The following MAX variants were observed in gnomAD, a reference collection of about 807,000 sequenced individuals.
MAX encodes protein max.
A neutral mutation model predicts 22.3 loss-of-function variants in MAX; 3 were observed. That is an observed-to-expected ratio of 0.13 (90% CI 0.06 to 0.35). The LOEUF is 0.35. MAX is among the 10% of genes least tolerant of loss of function. The probability of loss-of-function intolerance (pLI) is 1.00; values close to 1 mark genes in which losing one functional copy is unlikely to be tolerated. For missense variants in MAX, 119 were observed against 209.4 expected (o/e 0.57, Z 2.66); for synonymous variants, 72 against 77.7 (o/e 0.93, Z 0.39).
chr14:65,097,896 C>A (rs889652632), intron 2 of MAX, among the ~76,000 whole-genome samples: 5 of 152,182 alleles, frequency 3.3e-5, no homozygotes, highest in Admixed American at 2.6e-4. Flanking sequence ...CAATACCTGT[C>A]CTGCTTGTAG....
chr14:65,064,058 G>A (rs1006913805), intron 3 of MAX, among the ~76,000 whole-genome samples: 5 of 152,070 alleles, frequency 3.3e-5, no homozygotes, highest in South Asian at 2.1e-4. Flanking sequence ...TACAGGGAGC[G>A]GAGCATAAAG....
At chr14:65,065,690 T>C (rs1276371434) in intron 3 of MAX, among the ~76,000 whole-genome samples, 1 of 152,204 alleles carries the variant, frequency 6.6e-6, no homozygotes, top group East Asian at 1.9e-4. Context: ...AACCAAAACA[T>C]GATGTGGCGT....
intron 2 of MAX, among the ~76,000 whole-genome samples, chr14:65,099,108 A>C (rs2063753379): frequency 6.6e-6 from 1 of 152,124 alleles, no homozygotes; most frequent in African/African-American, 2.4e-5. Context: ...TTTATTATCC[A>C]TATTAAATAT....
At chr14:65,097,601 T>C (rs2063708145) in intron 2 of MAX, among the ~76,000 whole-genome samples, 1 of 152,176 alleles carries the variant, frequency 6.6e-6, no homozygotes, top group Non-Finnish European at 1.5e-5. Flanking sequence ...CTTTACAAAA[T>C]GTGAAGGTTG....
At chr14:65,096,184 T>C (rs2063669736) in intron 2 of MAX, among the ~76,000 whole-genome samples, 1 of 152,210 alleles carries the variant, frequency 6.6e-6, no homozygotes, top group Non-Finnish European at 1.5e-5. Flanking sequence ...AAGTAGTGGA[T>C]GGAATTTCTG....
chr14:65,090,196 G>C (rs1321006809), intron 3 of MAX: 4 of 152,158 alleles, frequency 2.6e-5, no homozygotes, highest in African/African-American at 9.7e-5. Flanking sequence ...GGCCTATCCA[G>C]GGGAAGCTCC....
Position 65,029,250 on chromosome 14 carries a change from C to G in MAX, c.172-22966G>C, listed in dbSNP as rs148202928. ...CCATTTTCCTTGCTTTGCCTGGTTT[C>G]TAGTACCCCGATTCCATCATTTTTC... On this transcript the variant is annotated intron_variant, in intron 3 of 3. Coordinates refer to the MAX transcript ENST00000341653. The surrounding 1 kb of genome is among the most constrained non-coding windows in gnomAD (Gnocchi z 4.7). Among the ~76,000 whole-genome samples, 243 of 152,310 alleles carry G rather than the reference C, an allele frequency of 1.6e-3. 1 individual carries two copies. The highest frequency in any genetic ancestry group is 5.8e-3 in the African/African-American group (242 of 41,564).
chr14:65,027,634 G>A lies in MAX; in HGVS notation c.172-21350C>T. 6.2e-7 allele frequency: 1 copy of A among 1,614,050 alleles called. No homozygotes were observed. The highest frequency in any genetic ancestry group is 8.5e-7 in the Non-Finnish European group (1 of 1,179,960). On this transcript the variant is annotated intron_variant, in intron 3 of 3. Coordinates refer to the MAX transcript ENST00000341653. The surrounding 1 kb of genome is among the most constrained non-coding windows in gnomAD (Gnocchi z 5.7). ...AAGCCAGCAGTGACAGAAACCTAGA[G>A]GAGTTCCCCGCCTGCTGACACGCAC...
upstream of MAX, chr14:65,102,575 C>T: frequency 1.4e-6 from 2 of 1,435,656 alleles, no homozygotes; most frequent in East Asian, 2.5e-5. Flanking sequence ...CGTGACCAGG[C>T]TCGCAGCGCT....
downstream of MAX, among the ~76,000 whole-genome samples, chr14:65,073,745 G>T (rs7150646): frequency 0.48 from 73,201 of 152,048 alleles, 20,289 homozygotes; most frequent in African/African-American, 0.77. Flanking sequence ...CTTTGACTTG[G>T]CCTTTTCAGC....
Position 65,009,231 on chromosome 14 carries a change from T to C in MAX, c.172-2947A>G, listed in dbSNP as rs1351817191. ...TGGGGTGCATTAAACCACAGAGATT[T>C]ATTTTTTCACATTTCTGGAGGCCAG... On this transcript the variant is annotated intron_variant, in intron 3 of 3. Transcript: ENST00000341653. This position sits in a 1 kb window ranked among gnomAD's most constrained non-coding sequence, Gnocchi z 4.2. 6.6e-6 allele frequency among the ~76,000 whole-genome samples: 1 copy of C among 152,208 alleles called. No homozygotes were observed. Among genetic ancestry groups the C allele is most frequent in the East Asian group, 1.9e-4 (1 of 5,194 alleles).
chr14:65,025,901 T>A (rs997186631), intron 3 of MAX, among the ~76,000 whole-genome samples: 4 of 152,200 alleles, frequency 2.6e-5, no homozygotes, highest in Non-Finnish European at 5.9e-5. Flanking sequence ...AAATTGTAGG[T>A]GCAAAAAGAA....
Position 65,046,010 on chromosome 14 carries a change from G to A in MAX, c.172-39726C>T, listed in dbSNP as rs184176249. 5.3e-5 allele frequency among the ~76,000 whole-genome samples: 8 copies of A among 151,874 alleles called. No individual in the cohort carries two copies. The East Asian group carries it at 7.8e-4, about 15-fold the overall frequency. On this transcript the variant is annotated intron_variant, in intron 3 of 3. Transcript: ENST00000341653. ...TTTTAGTATTATTTTTTTTTGAGAC[G>A]GAGTTTCACTCTTGTTGCCCAGGCC...
chr14:65,050,955 G>C (rs1029444048), intron 3 of MAX, among the ~76,000 whole-genome samples: 2 of 152,220 alleles, frequency 1.3e-5, no homozygotes, highest in Non-Finnish European at 2.9e-5. Context: ...AGTAAAAGAA[G>C]ATAGAGTGAA....
Position 65,088,902 on chromosome 14 carries a change from C to T in MAX, c.171+4806G>A, listed in dbSNP as rs982259882. 2.0e-5 allele frequency among the ~76,000 whole-genome samples: 3 copies of T among 151,440 alleles called. No individual in the cohort carries two copies. Among genetic ancestry groups the T allele is most frequent in the African/African-American group, 7.3e-5 (3 of 41,348 alleles). On this transcript the variant is annotated intron_variant, in intron 3 of 4. Coordinates refer to ENST00000358664, the MANE Select transcript of MAX (RefSeq NM_002382.5). The surrounding 1 kb of genome is among the most constrained non-coding windows in gnomAD (Gnocchi z 5.2). ...CCTTTATCCTTAAGAATCATGTTCC[C>T]TGCCATAAGGGAACTATTATATTTG...
chr14:65,021,813 T>G (rs1259122076), intron 3 of MAX, among the ~76,000 whole-genome samples: 5 of 152,160 alleles, frequency 3.3e-5, no homozygotes, highest in Non-Finnish European at 7.3e-5. Flanking sequence ...GCCTGGCTAA[T>G]TTTTGTATTT....
At position 65,076,108 on chromosome 14, in the gene MAX, C is replaced by T. The variant is rs558927088; in HGVS notation, c.*368G>A. 68 of 1,278,660 alleles carry T rather than the reference C, an allele frequency of 5.3e-5. No individual in the cohort carries two copies. The highest frequency in any genetic ancestry group is 5.9e-5 in the Non-Finnish European group (60 of 1,010,562). 79.2% of individuals were successfully genotyped at this position (1,278,660 alleles called of 1,614,324 possible). ...CCACCTGGGCAGGGCAGGCGTCCCC[C>T]GGGCATGTGCCCGGCAGGGCTGGAG... is the stretch of plus-strand genomic sequence containing the variant. On this transcript the variant is annotated 3_prime_UTR_variant, in exon 5 of 5. Coordinates refer to ENST00000358664, the MANE Select transcript of MAX (RefSeq NM_002382.5). This position sits in a 1 kb window ranked among gnomAD's most constrained non-coding sequence, Gnocchi z 6.6.
chr14:65,095,501 C>A (rs186506033), intron 2 of MAX, among the ~76,000 whole-genome samples: 1 of 152,150 alleles, frequency 6.6e-6, no homozygotes, highest in East Asian at 1.9e-4. Flanking sequence ...TGAAATAGTG[C>A]GACAGAATTG....
rs1239096273 is a variant in MAX at position 65,088,569 on chromosome 14, A to T, written c.171+5139T>A. On this transcript the variant is annotated intron_variant, in intron 3 of 4. Transcript: ENST00000358664. The surrounding 1 kb of genome is among the most constrained non-coding windows in gnomAD (Gnocchi z 5.2). ...CTAGCAGCTCAGATATGCTATAGACATAGGTTACCGAATGAACTGTCAGCC... is the reference window on the plus strand; with the variant it reads ...CTAGCAGCTCAGATATGCTATAGACTTAGGTTACCGAATGAACTGTCAGCC... Among the ~76,000 whole-genome samples, 2 of 152,224 alleles carry T rather than the reference A, an allele frequency of 1.3e-5. No homozygotes were observed. The highest frequency in any genetic ancestry group is 6.5e-5 in the Admixed American group (1 of 15,292).
Sources: gnomAD v4.1 joint callset for allele counts (sites outside exome capture counted in the v4.1 genomes callset) on GRCh38, gnomAD v4.1.1 for gene constraint, Gnocchi (gnomAD v3.1) non-coding constraint, MANE v1.5 for transcripts, NCBI Gene and HGNC (gene_info 2026-07-23, HGNC 2026-07-21) for gene names.